The following APBA2 variants were observed in gnomAD, a reference collection of about 807,000 sequenced individuals.
APBA2 encodes the protein amyloid beta precursor protein binding family A member 2.
Under a neutral mutation model 75.0 loss-of-function variants are expected in APBA2, and 30 were observed. The observed-to-expected ratio is 0.40, with a 90% CI of 0.30 to 0.54. The LOEUF (loss-of-function observed/expected upper bound fraction) is 0.54, where lower values mean the gene tolerates loss of function less well. APBA2 is among the 20% of genes least tolerant of loss of function. The pLI, the probability that APBA2 is intolerant of heterozygous loss-of-function variation, is 0.49. For synonymous variants in APBA2, 444 were observed against 409.6 expected (o/e 1.08, Z -1.01); for missense variants, 801 against 1,016.1 (o/e 0.79, Z 2.88).
chr15:29,100,596 A>C (rs1484657175), intron 9 of APBA2, among the ~76,000 whole-genome samples: 1 of 152,232 alleles, frequency 6.6e-6, no homozygotes, highest in Non-Finnish European at 1.5e-5. Flanking sequence ...AGGCCGAGGG[A>C]ATTGAAGTCA....
At chr15:29,012,973 T>A (rs893421118) in intron 3 of APBA2, among the ~76,000 whole-genome samples, 2 of 152,138 alleles carry the variant, frequency 1.3e-5, no homozygotes, top group African/African-American at 4.8e-5. Flanking sequence ...AATTATCTAC[T>A]TGTCATGATC....
chr15:29,106,745 G>T lies in APBA2; in HGVS notation c.1843G>T (p.Gly615Trp). ...TGCCCGCTCGGGGAAGCTGAGCATC[G>T]GGGACCAGATCATGTCCATCAATGG... is the stretch of plus-strand genomic sequence containing the variant. ...PAARSGKLSIGDQIMSINGTS... is the reference protein window; with the variant it reads ...PAARSGKLSIWDQIMSINGTS... The change falls in exon 12 of 15, where the codon GGG (glycine) becomes TGG (tryptophan). Residue 615 changes from glycine to tryptophan, a missense_variant. By Grantham distance (184) the Gly-to-Trp change is radical. Coordinates refer to ENST00000683413, the MANE Select transcript of APBA2 (RefSeq NM_001353788.2). 6.2e-7 allele frequency: 1 copy of T among 1,612,994 alleles called. No individual in the cohort carries two copies. The highest frequency in any genetic ancestry group is 8.5e-7 in the Non-Finnish European group (1 of 1,179,980).
chr15:29,068,284 C>T (rs1391837119), intron 4 of APBA2, among the ~76,000 whole-genome samples: 1 of 152,226 alleles, frequency 6.6e-6, no homozygotes, highest in Non-Finnish European at 1.5e-5. Context: ...GGAAAAATTG[C>T]GGATGTTTGC....
In APBA2 at chr15:29,053,797, G is replaced by C; in HGVS notation, c.-40-48G>C. 4 of 1,227,598 alleles carry C rather than the reference G, an allele frequency of 3.3e-6. No homozygotes were observed. In the South Asian group the frequency reaches 5.8e-5, roughly 18 times the overall value. The allele number at this position is 1,227,598 out of a possible 1,614,324, so 76.0% of individuals were successfully genotyped here. A position where few individuals can be genotyped will look rare whatever the true frequency, so the allele number is the denominator to read the frequency against. ...GGTGAAGTGGCCCCACACATGGCTG[G>C]GCTTTGTGGGGTTTTGACTCTGTCC... On this transcript the variant is annotated intron_variant, in intron 3 of 14. Transcript: ENST00000683413.
At position 29,047,930 on chromosome 15, in the gene APBA2, T is replaced by G. The variant is rs547620482; in HGVS notation, c.-40-5915T>G. 2.0e-5 allele frequency among the ~76,000 whole-genome samples: 3 copies of G among 152,234 alleles called. No homozygotes were observed. In the East Asian group the frequency reaches 5.8e-4, roughly 29 times the overall value. The stretch of plus-strand genomic sequence containing the variant: ...AGAAATATTATATTTAAGAAAAAAC[T>G]TAATATGAGATGTCTACAGCTATAA... On this transcript the variant is annotated intron_variant, in intron 3 of 14. Coordinates refer to ENST00000683413, the MANE Select transcript of APBA2 (RefSeq NM_001353788.2).
At position 28,980,794 on chromosome 15, in the gene APBA2, G is replaced by A. The variant is rs1045875262; in HGVS notation, c.-94-14959G>A. On this transcript the variant is annotated intron_variant, in intron 2 of 14. Transcript: ENST00000683413. The stretch of plus-strand genomic sequence containing the variant: ...ATTACCAAACTTCAAACTATACTAC[G>A]AGGCTGCAGTAACCAAAACAGCATG... Among the ~76,000 whole-genome samples the A allele has an allele frequency of 3.3e-5, 5 of 152,232 alleles. No individual in the cohort carries two copies. The South Asian group carries it at 8.3e-4, about 25-fold the overall frequency.
At chr15:28,988,511 A>C (rs2038048400) in intron 2 of APBA2, among the ~76,000 whole-genome samples, 1 of 151,820 alleles carries the variant, frequency 6.6e-6, no homozygotes, top group Admixed American at 6.6e-5. Flanking sequence ...TGATCCGCCT[A>C]CCTTGGCCTC....
intron 1 of APBA2, among the ~76,000 whole-genome samples, chr15:28,898,729 T>G (rs2032662651): frequency 6.6e-6 from 1 of 152,220 alleles, no homozygotes; most frequent in Non-Finnish European, 1.5e-5. Context: ...GTTCATGATC[T>G]TGGAGTTTTC....
chr15:28,990,180 C>T (rs148881568), intron 2 of APBA2, among the ~76,000 whole-genome samples: 79 of 152,234 alleles, frequency 5.2e-4, no homozygotes, highest in Non-Finnish European at 9.7e-4. Flanking sequence ...GAGGCTGAGG[C>T]GGGTGGATCA....
chr15:29,046,421 G>A lies in APBA2; in HGVS notation c.-40-7424G>A, dbSNP rs1476970460. ...CCTTTGCCCTTGTTTGAAGAAGCTG[G>A]GGACAGTTGTCCTTGCTCTCCACCC... On this transcript the variant is annotated intron_variant, in intron 3 of 14. Transcript: ENST00000683413. The surrounding 1 kb of genome is among the most constrained non-coding windows in gnomAD (Gnocchi z 5.0). Among the ~76,000 whole-genome samples the A allele has an allele frequency of 6.6e-6, 1 of 152,140 alleles. No homozygotes were observed. The highest frequency in any genetic ancestry group is 1.5e-5 in the Non-Finnish European group (1 of 68,034).
At chr15:28,940,060 G>A (rs1286244471) in intron 2 of APBA2, among the ~76,000 whole-genome samples, 1 of 152,196 alleles carries the variant, frequency 6.6e-6, no homozygotes, top group Non-Finnish European at 1.5e-5. Context: ...AATCCTGTGG[G>A]TAGTGAGAGT....
chr15:28,959,739 C>G (rs2036365443), intron 2 of APBA2, among the ~76,000 whole-genome samples: 1 of 152,210 alleles, frequency 6.6e-6, no homozygotes, highest in African/African-American at 2.4e-5. Context: ...ATGGACTGCT[C>G]CCGAAGTTCA....
chr15:29,048,953 A>G (rs1016323656), intron 3 of APBA2, among the ~76,000 whole-genome samples: 1 of 151,996 alleles, frequency 6.6e-6, no homozygotes, highest in Admixed American at 6.5e-5. Context: ...AAAAAAAAAA[A>G]AAAGAATTTA....
chr15:28,951,748 C>T (rs932192880), intron 2 of APBA2, among the ~76,000 whole-genome samples: 3 of 152,058 alleles, frequency 2.0e-5, no homozygotes, highest in South Asian at 4.1e-4. Flanking sequence ...CCACACCCAG[C>T]TAATTTTTGT....
At chr15:29,037,561 G>A (rs1347915075) in intron 3 of APBA2, among the ~76,000 whole-genome samples, 1 of 152,080 alleles carries the variant, frequency 6.6e-6, no homozygotes, top group African/African-American at 2.4e-5. Context: ...GAGGACCTGA[G>A]GCAAGCAGAG....
chr15:29,115,651 G>A (rs547949710), intron 14 of APBA2, among the ~76,000 whole-genome samples: 6 of 152,282 alleles, frequency 3.9e-5, no homozygotes, highest in African/African-American at 1.4e-4. Flanking sequence ...CTGAGCCCAC[G>A]CGGAACATGA....
At chr15:29,074,397 G>A (rs546139867) in intron 4 of APBA2, among the ~76,000 whole-genome samples, 3 of 152,302 alleles carry the variant, frequency 2.0e-5, no homozygotes, top group South Asian at 4.1e-4. Flanking sequence ...TTCCAAAAGG[G>A]CACATACTGA....
In APBA2 at chr15:29,023,441, C is replaced by CTTTT. The variant is rs10604525; in HGVS notation, c.-41+27664_-41+27667dup. Among the ~76,000 whole-genome samples, 111 of 73,306 alleles carry CTTTT rather than the reference C, an allele frequency of 1.5e-3. 3 individuals are homozygous for CTTTT. The highest frequency in any genetic ancestry group is 2.0e-3 in the Non-Finnish European group (82 of 41,374). The allele number at this position is 73,306 out of a possible 152,430, so 48.1% of individuals were successfully genotyped here. ...ATTTGATGGCCATTATACCTTTTTC[C>CTTTT]TTTTTTTTTTTTTTTTTTTTTTTTT... On this transcript the variant is annotated intron_variant, in intron 3 of 14. Coordinates refer to ENST00000683413, the MANE Select transcript of APBA2 (RefSeq NM_001353788.2).
At chr15:29,015,171 C>T (rs116130451) in intron 3 of APBA2, among the ~76,000 whole-genome samples, 159 of 152,242 alleles carry the variant, frequency 1.0e-3, no homozygotes, top group African/African-American at 3.6e-3. Flanking sequence ...ATGGGATCCA[C>T]GTTGCTTGGC....
Sources: allele counts gnomAD v4.1 joint callset (sites outside exome capture counted in the v4.1 genomes callset), GRCh38; gene constraint gnomAD v4.1.1; non-coding constraint Gnocchi (gnomAD v3.1); transcripts MANE v1.5; gene names NCBI Gene and HGNC (gene_info 2026-07-23, HGNC 2026-07-21).